Variants in CAND2 observed in about 807,000 individuals in gnomAD.
CAND2 encodes cullin associated and neddylation dissociated 2 (putative), also known as cullin-associated NEDD8-dissociated protein 2.
Under a neutral mutation model 98.9 loss-of-function variants are expected in CAND2, and 62 were observed. The ratio of observed to expected loss-of-function variants is 0.63; its 90% confidence interval spans 0.51 to 0.77. The LOEUF is 0.77. CAND2 is among the 30% of genes least tolerant of loss of function. CAND2 has a pLI of 0.00. For synonymous variants in CAND2, 770 were observed against 731.9 expected, an observed-to-expected ratio of 1.05 and a Z score of -0.84; for missense variants, 1,501 against 1,655.2, an observed-to-expected ratio of 0.91 and a Z score of 1.62.
intron 1 of CAND2, among the ~76,000 whole-genome samples, chr3:12,800,614 G>C (rs1031628790): frequency 6.6e-6 from 1 of 152,228 alleles, no homozygotes; most frequent in African/African-American, 2.4e-5. Flanking sequence ...GAACTGGGGA[G>C]AGGGCAGCCA....
At chr3:12,825,376 G>A in intron 11 of CAND2, 94 bp from the exon 12 acceptor site, 1 of 1,269,810 alleles carries the variant, frequency 7.9e-7, no homozygotes, top group Non-Finnish European at 1.1e-6. Context: ...AGCCAGTTCT[G>A]CACGTGCACA....
intron 3 of CAND2, 72 bp downstream of exon 3, chr3:12,807,532 C>CAA (rs59302336): frequency 0.019 from 21,041 of 1,132,686 alleles, 5 homozygotes; most frequent in Non-Finnish European, 0.022. Context: ...AACGAAAAAA[C>CAA]AAAAAAAAAA....
At chr3:12,798,795 G>A (rs1465336705) in intron 1 of CAND2, among the ~76,000 whole-genome samples, 5 of 152,150 alleles carry the variant, frequency 3.3e-5, no homozygotes, top group Admixed American at 1.3e-4. Context: ...TTTAAAGTCC[G>A]AATACCAGGG....
In CAND2 at chr3:12,810,335, AG is replaced by A. The variant is rs1222711731; in HGVS notation, c.757+16del. On this transcript the variant is annotated intron_variant, in intron 5 of 14. Transcript: ENST00000456430. Reference sequence around the variant, plus strand: ...CCGGCCACCGCCTCGGTAAGGGGGCAGGGGGCGGGGCCTGGGCTGGCATGGT... The same window carrying A: ...CCGGCCACCGCCTCGGTAAGGGGGCAGGGGCGGGGCCTGGGCTGGCATGGT... 2.1e-6 allele frequency: 3 copies of A among 1,436,366 alleles called. No individual in the cohort carries two copies. 89.0% of individuals were successfully genotyped at this position (1,436,366 alleles called of 1,614,324 possible).
At chr3:12,799,509 AG>A (rs1382111496) in intron 1 of CAND2, among the ~76,000 whole-genome samples, 2 of 152,108 alleles carry the variant, frequency 1.3e-5, no homozygotes, top group African/African-American at 4.8e-5. Context: ...TGCAGGAACC[AG>A]GGGTGTCTGA....
At chr3:12,811,828 C>A (rs952562666) in intron 5 of CAND2, among the ~76,000 whole-genome samples, 5 of 152,040 alleles carry the variant, frequency 3.3e-5, no homozygotes, top group Non-Finnish European at 7.4e-5. Context: ...ATGATCTGCC[C>A]GCCTCGGCCT....
Position 12,817,757 on chromosome 3 carries a change from T to TC in CAND2, c.2827dup (p.Gln943ProfsTer7), listed in dbSNP as rs758879901. 16 of 1,565,076 alleles carry TC rather than the reference T, an allele frequency of 1.0e-5. No homozygotes were observed. Among genetic ancestry groups the TC allele is most frequent in the Non-Finnish European group, 1.3e-5 (15 of 1,156,814 alleles). On this transcript the variant is annotated frameshift_variant, in exon 10 of 15. Transcript: ENST00000456430. LOFTEE classifies it high-confidence loss of function. Reference sequence around the variant, plus strand: ...GCCGAGGACATCTGGGCCTTGCTGTTCCAGCGCTGCGAGGGTGCTGAGGAG... The same window carrying TC: ...GCCGAGGACATCTGGGCCTTGCTGTTCCCAGCGCTGCGAGGGTGCTGAGGAG...
At chr3:12,807,720 A>G (rs961408244) in intron 3 of CAND2, among the ~76,000 whole-genome samples, 4 of 152,160 alleles carry the variant, frequency 2.6e-5, no homozygotes, top group Non-Finnish European at 4.4e-5. Context: ...TTTTCCTCAC[A>G]TGGCAATCCT....
At chr3:12,819,137 G>C (rs1218482757) in intron 10 of CAND2, among the ~76,000 whole-genome samples, 1 of 152,178 alleles carries the variant, frequency 6.6e-6, no homozygotes, top group African/African-American at 2.4e-5. Flanking sequence ...CCTTGTTCTT[G>C]TTTTCAGTTC....
chr3:12,816,219 G>T (rs1422331179), intron 9 of CAND2, among the ~76,000 whole-genome samples, 155 bp from the exon 10 acceptor site: 1 of 152,116 alleles, frequency 6.6e-6, no homozygotes, highest in African/African-American at 2.4e-5. Context: ...CTCAGCCCTG[G>T]CCACTGGTCA....
In CAND2 at chr3:12,834,322, T is replaced by G. The variant is rs1172079187; in HGVS notation, c.*340T>G. The G allele has an allele frequency of 3.6e-6, 1 of 278,704 alleles. No homozygotes were observed. Among genetic ancestry groups the G allele is most frequent in the Admixed American group, 4.6e-5 (1 of 21,818 alleles). The allele number at this position is 278,704 out of a possible 1,614,324, so 17.3% of individuals were successfully genotyped here. A position where few individuals can be genotyped will look rare whatever the true frequency, so the allele number is the denominator to read the frequency against. On this transcript the variant is annotated 3_prime_UTR_variant, in exon 15 of 15. Coordinates refer to ENST00000456430, the MANE Select transcript of CAND2 (RefSeq NM_001162499.2). ...GTCTCTGCCTCACAAACTAGTAGTATTTAGAAATAGGCTGTGCTGTCAGCT... is the reference window on the plus strand; with the variant it reads ...GTCTCTGCCTCACAAACTAGTAGTAGTTAGAAATAGGCTGTGCTGTCAGCT...
At chr3:12,798,386 G>T (rs1003434613) in intron 1 of CAND2, among the ~76,000 whole-genome samples, 5 of 151,986 alleles carry the variant, frequency 3.3e-5, no homozygotes, top group African/African-American at 1.2e-4. Flanking sequence ...TCACTTTTCA[G>T]CCCTGGGAGA....
intron 10 of CAND2, 70 bp downstream of exon 10, chr3:12,817,946 G>C: frequency 2.9e-6 from 4 of 1,390,180 alleles, no homozygotes; most frequent in Non-Finnish European, 3.8e-6. Flanking sequence ...CATCCAGGCA[G>C]CTGGGGCAGA....
chr3:12,825,554 AGCCCTC>A lies in CAND2; in HGVS notation c.3128_3133del (p.Pro1043_Ser1044del). 4 of 1,610,564 alleles carry A rather than the reference AGCCCTC, an allele frequency of 2.5e-6. No individual in the cohort carries two copies. Among genetic ancestry groups the A allele is most frequent in the Non-Finnish European group, 3.4e-6 (4 of 1,178,656 alleles). On this transcript the variant is annotated inframe_deletion, in exon 12 of 15. Coordinates refer to ENST00000456430, the MANE Select transcript of CAND2 (RefSeq NM_001162499.2). ...TTCTTCAACTCAGCTGTGCACAACA[AGCCCTC>A]GCTAGTCCGGGACCTGCTGGATGAC...
intron 1 of CAND2, among the ~76,000 whole-genome samples, chr3:12,800,868 G>A (rs539130786): frequency 7.3e-5 from 11 of 151,398 alleles, no homozygotes; most frequent in Admixed American, 1.3e-4. Context: ...GACTACAGGT[G>A]TGCACCACCA....
intron 11 of CAND2, 70 bp from the exon 12 acceptor site, chr3:12,825,400 C>A: frequency 6.9e-7 from 1 of 1,442,030 alleles, no homozygotes; most frequent in South Asian, 1.3e-5. Flanking sequence ...ACCAGATGGC[C>A]GGGGTGGTGA....
At position 12,817,727 on chromosome 3, in the gene CAND2, C is replaced by T; in HGVS notation, c.2795C>T (p.Pro932Leu). 1 of 1,589,278 alleles carries T rather than the reference C, an allele frequency of 6.3e-7. No individual in the cohort carries two copies. The highest frequency in any genetic ancestry group is 8.6e-7 in the Non-Finnish European group (1 of 1,167,740). Residue 932 changes from proline (P) to leucine (L), a missense_variant, in exon 10 of 15, where the codon CCC becomes CTC. Pro to Leu is a moderately conservative substitution (Grantham distance 98). Around this residue, in one of 3 missense-constraint regions of CAND2, gnomAD observed 1,427 missense variants for 1,545.3 expected, o/e 0.92. Transcript: ENST00000456430. ...GCCGCCCAGCCTGACAGCCTGAAGC[C>T]CTACGCCGAGGACATCTGGGCCTTG... Reference protein sequence around the residue: ...LGAAQPDSLKPYAEDIWALLF... With the variant: ...LGAAQPDSLKLYAEDIWALLF...
chr3:12,831,697 A>G (rs1015616634), intron 14 of CAND2, 125 bp downstream of exon 14: 2 of 616,940 alleles, frequency 3.2e-6, no homozygotes, highest in Non-Finnish European at 5.8e-6. Context: ...GCTTCATTTA[A>G]TCATTGTCAT....
Position 12,796,744 on chromosome 3 carries a change from C to T in CAND2, c.24C>T (p.Ile8=), listed in dbSNP as rs369432400. 9.8e-5 allele frequency: 155 copies of T among 1,589,132 alleles called. No homozygotes were observed. In the African/African-American group the frequency reaches 1.9e-3, roughly 19 times the overall value. ...CCATGAGCACCGCCGCCTTCCACATCTCCAGCCTCCTGGAGAAGATGACGT... is the reference window on the plus strand; with the variant it reads ...CCATGAGCACCGCCGCCTTCCACATTTCCAGCCTCCTGGAGAAGATGACGT... The part of the protein sequence containing the change: MSTAAFH[I]SSLLEKMTSS... The change falls in exon 1 of 15, where the codon ATC becomes ATT. Residue 8 remains isoleucine, a synonymous_variant. Coordinates refer to ENST00000456430, the MANE Select transcript of CAND2 (RefSeq NM_001162499.2).
Sources: allele counts gnomAD v4.1 joint callset (sites outside exome capture counted in the v4.1 genomes callset), GRCh38; gene constraint gnomAD v4.1.1; regional missense constraint gnomAD v4.1.1; transcripts MANE v1.5; gene names NCBI Gene and HGNC (gene_info 2026-07-23, HGNC 2026-07-21).